VRK2: variants seen among roughly 807,000 people sequenced by gnomAD.
VRK2 encodes VRK serine/threonine kinase 2.
Under a neutral mutation model 57.6 loss-of-function variants are expected in VRK2, and 60 were observed. The observed-to-expected ratio is 1.04, with a 90% confidence interval of 0.85 to 1.29. The LOEUF is 1.29. VRK2 is among the 50% of genes most tolerant of loss of function. The probability of loss-of-function intolerance (pLI) is 0.00; values close to 1 mark genes in which losing one functional copy is unlikely to be tolerated. For synonymous variants in VRK2, 231 were observed against 199.2 expected, an observed-to-expected ratio of 1.16 and a Z score of -1.35; for missense variants, 705 against 588.1, an observed-to-expected ratio of 1.20 and a Z score of -2.06.
intron 1 of VRK2, among the ~76,000 whole-genome samples, chr2:57,911,310 A>G (rs974105874): frequency 4.6e-5 from 7 of 152,202 alleles, no homozygotes; most frequent in African/African-American, 1.7e-4. Context: ...CTCTGACAAA[A>G]GAAAATAAGA....
At chr2:57,921,682 T>C (rs1670355206) in intron 1 of VRK2, among the ~76,000 whole-genome samples, 1 of 152,160 alleles carries the variant, frequency 6.6e-6, no homozygotes, top group South Asian at 2.1e-4. Flanking sequence ...CTAGTTCCCA[T>C]AGGGAACAGT....
intron 7 of VRK2, among the ~76,000 whole-genome samples, chr2:58,106,009 T>C (rs1573130594): frequency 6.6e-6 from 1 of 151,982 alleles, no homozygotes; most frequent in African/African-American, 2.4e-5. Flanking sequence ...CTTACTGATA[T>C]ACTGAAAAGT....
At chr2:57,929,935 T>G (rs1670664535) in intron 1 of VRK2, among the ~76,000 whole-genome samples, 1 of 152,052 alleles carries the variant, frequency 6.6e-6, no homozygotes, top group Admixed American at 6.6e-5. Flanking sequence ...AGTATCCAGC[T>G]TGCAAGGCAA....
intron 2 of VRK2, among the ~76,000 whole-genome samples, chr2:58,078,905 C>T (rs1298069360): frequency 6.6e-6 from 1 of 152,100 alleles, no homozygotes; most frequent in Non-Finnish European, 1.5e-5. Flanking sequence ...AACTCCTGGG[C>T]TCAGGCAGTC....
At chr2:58,008,127 T>C (rs1298567834) in intron 1 of VRK2, among the ~76,000 whole-genome samples, 2 of 152,160 alleles carry the variant, frequency 1.3e-5, no homozygotes, top group African/African-American at 4.8e-5. Flanking sequence ...ATACAGAGCA[T>C]GTTTTCTAAT....
intron 7 of VRK2, among the ~76,000 whole-genome samples, chr2:58,118,682 G>A (rs138228615): frequency 0.014 from 2,190 of 152,256 alleles, 55 homozygotes; most frequent in African/African-American, 0.049. Context: ...CCCCCGATCC[G>A]AGTCATGGCA....
At chr2:58,118,181 A>T (rs1676821831) in intron 7 of VRK2, among the ~76,000 whole-genome samples, 1 of 152,006 alleles carries the variant, frequency 6.6e-6, no homozygotes, top group Non-Finnish European at 1.5e-5. Flanking sequence ...AAAGCAGAGA[A>T]GGGGTAGAGA....
At chr2:57,930,474 CT>C (rs1261602307) in intron 1 of VRK2, among the ~76,000 whole-genome samples, 1 of 152,280 alleles carries the variant, frequency 6.6e-6, no homozygotes, top group East Asian at 1.9e-4. Context: ...TCAAGACTGT[CT>C]TTTCTATCTC....
intron 7 of VRK2, among the ~76,000 whole-genome samples, chr2:58,111,081 A>G (rs1675500555): frequency 6.6e-6 from 1 of 152,198 alleles, no homozygotes; most frequent in Admixed American, 6.5e-5. Flanking sequence ...TTCAATCACA[A>G]AGTATCAAAA....
At position 58,085,703 on chromosome 2, in the gene VRK2, T is replaced by TA. The variant is rs1465518696; in HGVS notation, c.257-634dup. ...TAAACATTAAGACTGTAATCTTTAC[T>TA]AATTGCTTAAACTATGTCACAGTGA... On this transcript the variant is annotated intron_variant, in intron 4 of 12. Transcript: ENST00000340157. 2.0e-5 allele frequency among the ~76,000 whole-genome samples: 3 copies of TA among 151,964 alleles called. No homozygotes were observed. The East Asian group carries it at 5.8e-4, about 29-fold the overall frequency.
In VRK2 at chr2:58,116,699, A is replaced by G. The variant is rs559615497; in HGVS notation, c.544-6402A>G. ...AGCATCAGTCTTCAGCCGCTAAGCC[A>G]AGAAGGAGTCAGTCAGAGAGCCTTG... On this transcript the variant is annotated intron_variant, in intron 7 of 12. Transcript: ENST00000340157. Among the ~76,000 whole-genome samples, 47 of 151,992 alleles carry G rather than the reference A, an allele frequency of 3.1e-4. 1 individual carries two copies. The highest frequency in any genetic ancestry group is 5.7e-4 in the Non-Finnish European group (39 of 67,836).
At chr2:58,042,254 A>C (rs1226063613), upstream of VRK2, among the ~76,000 whole-genome samples, 2 of 152,232 alleles carry the variant, frequency 1.3e-5, no homozygotes, top group Admixed American at 1.3e-4. Flanking sequence ...CTTTGTAATG[A>C]TCTTATATGT....
chr2:58,139,863 T>G, intron 11 of VRK2, 31 bp downstream of exon 11: 2 of 1,562,118 alleles, frequency 1.3e-6, no homozygotes, highest in Non-Finnish European at 1.7e-6. Context: ...TATCCTATGA[T>G]TACCTTCTAT....
chr2:57,963,975 C>T (rs977847570), intron 1 of VRK2, among the ~76,000 whole-genome samples: 5 of 152,182 alleles, frequency 3.3e-5, no homozygotes, highest in Admixed American at 6.6e-5. Context: ...ATAGCCGCCT[C>T]TATCTTTCTT....
chr2:58,048,702 T>C, intron 1 of VRK2, 125 bp from the exon 2 acceptor site: 1 of 1,499,918 alleles, frequency 6.7e-7, no homozygotes, highest in Non-Finnish European at 8.9e-7. Context: ...TGAATTAACT[T>C]TAGAATCCTA....
At chr2:58,154,625 A>AT (rs1683516788) in intron 12 of VRK2, 9 of 638,144 alleles carry the variant, frequency 1.4e-5, no homozygotes, top group African/African-American at 3.7e-5. Context: ...GGTTCAATGT[A>AT]TTTTTTAATT....
upstream of VRK2, among the ~76,000 whole-genome samples, chr2:58,043,049 C>G (rs554449591): frequency 2.0e-5 from 3 of 152,162 alleles, no homozygotes; most frequent in Admixed American, 1.3e-4. Flanking sequence ...GGTTTACCTG[C>G]TCCTGTTGCC....
chr2:57,936,264 C>A (rs1200327658), intron 1 of VRK2, among the ~76,000 whole-genome samples: 2 of 152,196 alleles, frequency 1.3e-5, no homozygotes, highest in African/African-American at 2.4e-5. Context: ...ATTTTTTCAA[C>A]CAGACCAGTC....
At chr2:57,972,240 TTTTG>T (rs70954873) in intron 1 of VRK2, among the ~76,000 whole-genome samples, 84 of 150,436 alleles carry the variant, frequency 5.6e-4, no homozygotes, top group African/African-American at 1.0e-3. Flanking sequence ...GAAACATGTT[TTTTG>T]TTTGTTTGTT....
Sources: allele counts gnomAD v4.1 joint callset (sites outside exome capture counted in the v4.1 genomes callset), GRCh38; gene constraint gnomAD v4.1.1; transcripts MANE v1.5; gene names NCBI Gene and HGNC (gene_info 2026-07-23, HGNC 2026-07-21).